PXDNL: variants seen among roughly 807,000 people sequenced by gnomAD.
The protein encoded by PXDNL is probable oxidoreductase PXDNL.
A neutral mutation model predicts 150.8 loss-of-function variants in PXDNL; 145 were observed. The ratio of observed to expected loss-of-function variants is 0.96; its 90% confidence interval spans 0.84 to 1.10. The LOEUF (loss-of-function observed/expected upper bound fraction) is 1.10, where lower values mean the gene tolerates loss of function less well. Ranked by LOEUF, PXDNL falls within the 50% of genes least tolerant of loss-of-function variation. The pLI is 0.00. For synonymous variants in PXDNL, 757 were observed against 725.7 expected, an observed-to-expected ratio of 1.04 and a Z score of -0.69; for missense variants, 2,087 against 1,873.9, an observed-to-expected ratio of 1.11 and a Z score of -2.10.
Position 51,409,001 on chromosome 8 carries a change from A to G in PXDNL, c.2623T>C (p.Ser875Pro), listed in dbSNP as rs1471273394. Residue 875 changes from serine (S) to proline (P), a missense_variant, in exon 17 of 23, where the codon TCT (serine) becomes CCT (proline). Physicochemically the swap from Ser to Pro is moderately conservative, Grantham distance 74. Transcript: ENST00000356297. ...GCATAGACTGAATCCACCGTCGCAG[A>G]GGGACGGCCGCTGGCACACGCGGGG... ...SSPACASGRP[S>P]ATVDSVYARE... 1.9e-6 allele frequency: 3 copies of G among 1,611,150 alleles called. No homozygotes were observed. Among genetic ancestry groups the G allele is most frequent in the African/African-American group, 1.3e-5 (1 of 74,890 alleles).
At chr8:51,651,478 T>C (rs1173131663) in intron 2 of PXDNL, among the ~76,000 whole-genome samples, 2 of 152,052 alleles carry the variant, frequency 1.3e-5, no homozygotes, top group East Asian at 1.9e-4. Flanking sequence ...CACAAAACAA[T>C]TGGAAGGACC....
intron 1 of PXDNL, among the ~76,000 whole-genome samples, chr8:51,735,554 T>TTTTG (rs1563304356): frequency 1.6e-4 from 21 of 133,602 alleles, no homozygotes; most frequent in African/African-American, 6.2e-4. Flanking sequence ...TTTTTTTTTT[T>TTTTG]TTTTTTTTTT....
intron 14 of PXDNL, among the ~76,000 whole-genome samples, chr8:51,414,054 T>C (rs1261680033): frequency 4.6e-5 from 7 of 152,088 alleles, no homozygotes; most frequent in Admixed American, 4.6e-4. Context: ...GCTTTAAATG[T>C]TGAGTTTGAA....
chr8:51,421,754 G>T (rs1808960748), intron 14 of PXDNL, among the ~76,000 whole-genome samples: 2 of 152,158 alleles, frequency 1.3e-5, no homozygotes, highest in Admixed American at 6.6e-5. Flanking sequence ...ACAAATATTT[G>T]CCGGTTACTA....
chr8:51,609,714 TAGC>T (rs1813954989), intron 2 of PXDNL, among the ~76,000 whole-genome samples: 1 of 152,066 alleles, frequency 6.6e-6, no homozygotes, highest in Non-Finnish European at 1.5e-5. Flanking sequence ...AAAGGGAAAA[TAGC>T]AGCGAGAGTT....
chr8:51,745,798 TGGAGTGCA>T (rs1416392961), intron 1 of PXDNL, among the ~76,000 whole-genome samples: 1 of 150,748 alleles, frequency 6.6e-6, no homozygotes, highest in African/African-American at 2.4e-5. Context: ...ACTCTGTCGC[TGGAGTGCA>T]GTGGTGAGAC....
chr8:51,474,407 G>A (rs1810425825), intron 7 of PXDNL, among the ~76,000 whole-genome samples: 2 of 152,268 alleles, frequency 1.3e-5, no homozygotes, highest in East Asian at 1.9e-4. Flanking sequence ...TATTGCTTTA[G>A]TAAGGTTGTC....
chr8:51,705,161 G>C (rs1336651883), intron 1 of PXDNL, among the ~76,000 whole-genome samples: 1 of 152,150 alleles, frequency 6.6e-6, no homozygotes, highest in East Asian at 1.9e-4. Context: ...AGGCATGGGG[G>C]GTCTCCACAT....
intron 1 of PXDNL, among the ~76,000 whole-genome samples, chr8:51,731,558 A>G (rs1816931991): frequency 6.6e-6 from 1 of 152,212 alleles, no homozygotes; most frequent in Non-Finnish European, 1.5e-5. Context: ...CCCTCTTCTC[A>G]CAGCTCCACT....
intron 5 of PXDNL, among the ~76,000 whole-genome samples, chr8:51,495,905 A>G (rs959573858): frequency 2.6e-5 from 4 of 152,000 alleles, no homozygotes; most frequent in African/African-American, 9.7e-5. Flanking sequence ...ACAGAAAAAG[A>G]GGGAATCCTC....
intron 12 of PXDNL, among the ~76,000 whole-genome samples, chr8:51,432,737 A>G (rs1809282869): frequency 6.6e-6 from 1 of 152,206 alleles, no homozygotes; most frequent in South Asian, 2.1e-4. Context: ...CTTAGGTCTG[A>G]TAGTTTATTT....
At chr8:51,658,291 G>A (rs1457852135) in intron 1 of PXDNL, among the ~76,000 whole-genome samples, 5 of 144,758 alleles carry the variant, frequency 3.5e-5, no homozygotes, top group African/African-American at 7.7e-5. Flanking sequence ...ATAATGAGCC[G>A]TGATCACACC....
intron 1 of PXDNL, among the ~76,000 whole-genome samples, chr8:51,734,459 G>T (rs1816994085): frequency 6.6e-6 from 1 of 152,166 alleles, no homozygotes; most frequent in South Asian, 2.1e-4. Flanking sequence ...TCTGAAACGG[G>T]AGTCTAAGTT....
intron 1 of PXDNL, among the ~76,000 whole-genome samples, chr8:51,698,441 T>C (rs943113290): frequency 3.9e-5 from 6 of 152,256 alleles, no homozygotes; most frequent in South Asian, 2.1e-4. Flanking sequence ...TCCTCATCCA[T>C]TCATGTTTGA....
intron 10 of PXDNL, 65 bp downstream of exon 10, chr8:51,453,454 G>C: frequency 1.3e-6 from 2 of 1,503,590 alleles, no homozygotes. Flanking sequence ...CATTATTTAA[G>C]TTGAAAAATA....
chr8:51,546,796 G>A (rs1406826469), intron 4 of PXDNL, among the ~76,000 whole-genome samples: 1 of 152,200 alleles, frequency 6.6e-6, no homozygotes, highest in African/African-American at 2.4e-5. Context: ...TATAAACTCA[G>A]TGCAGATGGG....
intron 17 of PXDNL, among the ~76,000 whole-genome samples, chr8:51,396,623 G>T (rs1403006716): frequency 6.6e-6 from 1 of 152,186 alleles, no homozygotes; most frequent in Non-Finnish European, 1.5e-5. Context: ...CGGGCATAGT[G>T]GTGCATGCCT....
chr8:51,533,754 C>G (rs1358864845), intron 4 of PXDNL, among the ~76,000 whole-genome samples: 13 of 149,562 alleles, frequency 8.7e-5, no homozygotes, highest in Non-Finnish European at 1.5e-4. Context: ...CCCGAGGTGC[C>G]GGGATTGCAG....
intron 1 of PXDNL, among the ~76,000 whole-genome samples, chr8:51,766,426 T>C (rs1283885201): frequency 6.6e-6 from 1 of 152,252 alleles, no homozygotes; most frequent in Non-Finnish European, 1.5e-5. Flanking sequence ...TAGTATACTT[T>C]GCAGTGCTTT....
Sources: gnomAD v4.1 joint callset for allele counts (sites outside exome capture counted in the v4.1 genomes callset) on GRCh38, gnomAD v4.1.1 for gene constraint, MANE v1.5 for transcripts, NCBI Gene and HGNC (gene_info 2026-07-23, HGNC 2026-07-21) for gene names.